The following FGFBP3 variants were observed in gnomAD, a reference collection of about 807,000 sequenced individuals.
The protein encoded by FGFBP3 is fibroblast growth factor-binding protein 3.
A neutral mutation model predicts 4.8 loss-of-function variants in FGFBP3; 4 were observed. That is an observed-to-expected ratio of 0.83 (90% CI 0.41 to 1.90). FGFBP3 has a LOEUF of 1.90. FGFBP3 is among the 40% of genes most tolerant of loss of function. The probability of loss-of-function intolerance (pLI) is 0.03; values close to 1 mark genes in which losing one functional copy is unlikely to be tolerated. For missense variants in FGFBP3, 429 were observed against 397.4 expected, an observed-to-expected ratio of 1.08 and a Z score of -0.68; for synonymous variants, 215 against 190.0, an observed-to-expected ratio of 1.13 and a Z score of -1.08.
At position 91,908,798 on chromosome 10, in the gene FGFBP3, C is replaced by T. The variant is rs982453277; in HGVS notation, c.172G>A (p.Ala58Thr). ...SGRFLSPEQH[A>T]CSWQLLLPAP... Reference sequence around the variant, plus strand: ...GGCAGCAGGAGCTGCCAGCTGCACGCGTGCTGCTCGGGGCTGAGGAAGCGA... The same window carrying T: ...GGCAGCAGGAGCTGCCAGCTGCACGTGTGCTGCTCGGGGCTGAGGAAGCGA... Residue 58 changes from alanine (A) to threonine (T), a missense_variant, in exon 2 of 2, where the codon GCG becomes ACG. Physicochemically the swap from Ala to Thr is moderately conservative, Grantham distance 58. Coordinates refer to ENST00000311575, the MANE Select transcript of FGFBP3 (RefSeq NM_152429.5). 2.1e-6 allele frequency: 3 copies of T among 1,446,892 alleles called. No individual in the cohort carries two copies. The highest frequency in any genetic ancestry group is 2.7e-6 in the Non-Finnish European group (3 of 1,110,084). 89.6% of individuals were successfully genotyped at this position (1,446,892 alleles called of 1,614,324 possible).
chr10:91,908,971 C>A lies in FGFBP3; in HGVS notation c.-2G>T. ...CGCTCGCAGCTTCGGAGGAGTCATG[C>A]TCCGCGGTTTCCGCGCTCCGCTGTT... On this transcript the variant is annotated 5_prime_UTR_variant, in exon 2 of 2. Coordinates refer to ENST00000311575, the MANE Select transcript of FGFBP3 (RefSeq NM_152429.5). 2 of 1,574,138 alleles carry A rather than the reference C, an allele frequency of 1.3e-6. No individual in the cohort carries two copies. The highest frequency in any genetic ancestry group is 1.7e-6 in the Non-Finnish European group (2 of 1,162,716).
Position 91,907,994 on chromosome 10 carries a change from A to C in FGFBP3, c.*199T>G. ...GGACTGAGACTTTTCAAAATTTTTA[A>C]CTTCTCTGCTATCCCAGAGATTCTC... On this transcript the variant is annotated 3_prime_UTR_variant, in exon 2 of 2. Transcript: ENST00000311575. 1.7e-6 allele frequency: 1 copy of C among 581,250 alleles called. No individual in the cohort carries two copies. The highest frequency in any genetic ancestry group is 2.7e-5 in the South Asian group (1 of 37,200). The allele number at this position is 581,250 out of a possible 1,614,324, so 36.0% of individuals were successfully genotyped here.
Position 91,908,815 on chromosome 10 carries a change from A to T in FGFBP3, c.155T>A (p.Leu52His), listed in dbSNP as rs1843324200. The change falls in exon 2 of 2, where the codon CTC becomes CAC. Residue 52 changes from leucine (L) to histidine (H), a missense_variant. By Grantham distance (99) the Leu-to-His change is moderately conservative (BLOSUM62 -3). Coordinates refer to ENST00000311575, the MANE Select transcript of FGFBP3 (RefSeq NM_152429.5). ...GCTGCACGCGTGCTGCTCGGGGCTGAGGAAGCGACCCGAGGAGCCGCCAGT... is the reference window on the plus strand; with the variant it reads ...GCTGCACGCGTGCTGCTCGGGGCTGTGGAAGCGACCCGAGGAGCCGCCAGT... ...GPTGGSSGRF[L>H]SPEQHACSWQ... The T allele has an allele frequency of 6.6e-7, 1 of 1,523,724 alleles. No homozygotes were observed. Among genetic ancestry groups the T allele is most frequent in the Non-Finnish European group, 8.8e-7 (1 of 1,142,326 alleles). 94.4% of individuals were successfully genotyped at this position (1,523,724 alleles called of 1,614,324 possible). A position where few individuals can be genotyped will look rare whatever the true frequency, so the allele number is the denominator to read the frequency against.
In FGFBP3 at chr10:91,908,042, C is replaced by T; in HGVS notation, c.*151G>A. 1.2e-6 allele frequency: 1 copy of T among 848,906 alleles called. No individual in the cohort carries two copies. The highest frequency in any genetic ancestry group is 1.7e-6 in the Non-Finnish European group (1 of 582,588). 52.6% of individuals were successfully genotyped at this position (848,906 alleles called of 1,614,324 possible). A position where few individuals can be genotyped will look rare whatever the true frequency, so the allele number is the denominator to read the frequency against. On this transcript the variant is annotated 3_prime_UTR_variant, in exon 2 of 2. Coordinates refer to ENST00000311575, the MANE Select transcript of FGFBP3 (RefSeq NM_152429.5). ...CTCCATACCCCTTACACTCTCATCC[C>T]AAGCATCTCACCCTTACCCTTGCCC...
In FGFBP3 at chr10:91,908,889, C is replaced by T. The variant is rs200450389; in HGVS notation, c.81G>A (p.Arg27=). ...LLSGCLLAAA[R]REKGAASNVA... ...CGTTGCTAGCCGCCCCTTTCTCCCT[C>T]CGAGCAGCCGCGAGGAGGCAACCAC... is the stretch of plus-strand genomic sequence containing the variant. The change falls in exon 2 of 2, where the codon CGG becomes CGA. Residue 27 remains arginine, a synonymous_variant. Coordinates refer to ENST00000311575, the MANE Select transcript of FGFBP3 (RefSeq NM_152429.5). 1 of 1,593,730 alleles carries T rather than the reference C, an allele frequency of 6.3e-7. No homozygotes were observed. The highest frequency in any genetic ancestry group is 1.3e-5 in the African/African-American group (1 of 74,396).
chr10:91,908,821 C>A lies in FGFBP3; in HGVS notation c.149G>T (p.Arg50Leu). Residue 50 changes from arginine to leucine, a missense_variant, in exon 2 of 2, where the codon CGC becomes CTC. By Grantham distance (102) the Arg-to-Leu change is moderately radical. Coordinates refer to ENST00000311575, the MANE Select transcript of FGFBP3 (RefSeq NM_152429.5). ...CGCGTGCTGCTCGGGGCTGAGGAAG[C>A]GACCCGAGGAGCCGCCAGTGGGCCC... is the stretch of plus-strand genomic sequence containing the variant. ...VPGPTGGSSG[R>L]FLSPEQHACS... The A allele has an allele frequency of 1.3e-6, 2 of 1,525,930 alleles. No homozygotes were observed. The highest frequency in any genetic ancestry group is 1.7e-6 in the Non-Finnish European group (2 of 1,143,358). The allele number at this position is 1,525,930 out of a possible 1,614,324, so 94.5% of individuals were successfully genotyped here.
chr10:91,908,106 T>A lies in FGFBP3; in HGVS notation c.*87A>T. The A allele has an allele frequency of 2.1e-6, 3 of 1,421,510 alleles. No homozygotes were observed. Among genetic ancestry groups the A allele is most frequent in the South Asian group, 1.3e-5 (1 of 75,132 alleles). The allele number at this position is 1,421,510 out of a possible 1,614,324, so 88.1% of individuals were successfully genotyped here. A position where few individuals can be genotyped will look rare whatever the true frequency, so the allele number is the denominator to read the frequency against. ...AGAACCTGGACTTCTCCCCAATCTC[T>A]ATCACAGTACCCCCCGGTCTAAGAC... On this transcript the variant is annotated 3_prime_UTR_variant, in exon 2 of 2. Transcript: ENST00000311575.
At position 91,908,641 on chromosome 10, in the gene FGFBP3, C is replaced by CGAA. The variant is rs1843321031; in HGVS notation, c.328_329insTTC (p.Trp110delinsPheArg). On this transcript the variant is annotated protein_altering_variant, in exon 2 of 2. Transcript: ENST00000311575. Reference sequence around the variant, plus strand: ...GCGCAGCCCTCCCAGCACCTGCTTCCAGAAGTGCGCGCGGCGAGCGGCGTA... The same window carrying CGAA: ...GCGCAGCCCTCCCAGCACCTGCTTCCGAAAGAAGTGCGCGCGGCGAGCGGCGTA... 3 of 1,436,746 alleles carry CGAA rather than the reference C, an allele frequency of 2.1e-6. No homozygotes were observed. The highest frequency in any genetic ancestry group is 1.5e-5 in the African/African-American group (1 of 67,370). 89.0% of individuals were successfully genotyped at this position (1,436,746 alleles called of 1,614,324 possible). A position where few individuals can be genotyped will look rare whatever the true frequency, so the allele number is the denominator to read the frequency against.
Position 91,908,660 on chromosome 10 carries a change from C to T in FGFBP3, c.310G>A (p.Ala104Thr), listed in dbSNP as rs981005188. 3 of 1,430,684 alleles carry T rather than the reference C, an allele frequency of 2.1e-6. No homozygotes were observed. The highest frequency in any genetic ancestry group is 2.7e-6 in the Non-Finnish European group (3 of 1,095,156). 88.6% of individuals were successfully genotyped at this position (1,430,684 alleles called of 1,614,324 possible). A position where few individuals can be genotyped will look rare whatever the true frequency, so the allele number is the denominator to read the frequency against. The change falls in exon 2 of 2, where the codon GCT (alanine) becomes ACT (threonine). Residue 104 changes from alanine to threonine, a missense_variant. Coordinates refer to ENST00000311575, the MANE Select transcript of FGFBP3 (RefSeq NM_152429.5). The part of the protein sequence containing the change: ...GHPERCAAYA[A>T]RRAHFWKQVL... The stretch of plus-strand genomic sequence containing the variant: ...TGCTTCCAGAAGTGCGCGCGGCGAG[C>T]GGCGTAGGCTGCGCAGCGCTCCGGA...
chr10:91,907,905 T>A lies in FGFBP3; in HGVS notation c.*288A>T. 2.7e-6 allele frequency: 1 copy of A among 368,858 alleles called. No homozygotes were observed. Among genetic ancestry groups the A allele is most frequent in the East Asian group, 5.5e-5 (1 of 18,086 alleles). The allele number at this position is 368,858 out of a possible 1,614,324, so 22.8% of individuals were successfully genotyped here. The stretch of plus-strand genomic sequence containing the variant: ...TCTGCATCGATTTCTCTCCCCAGTC[T>A]CCAGTTTTTGCACATTTAAAGTACG... On this transcript the variant is annotated 3_prime_UTR_variant, in exon 2 of 2. Coordinates refer to ENST00000311575, the MANE Select transcript of FGFBP3 (RefSeq NM_152429.5).
chr10:91,909,116 G>A (rs1843327626), intron 1 of FGFBP3, 69 bp from the exon 2 acceptor site: 3 of 839,938 alleles, frequency 3.6e-6, no homozygotes, highest in South Asian at 3.9e-5. Flanking sequence ...ACATGCACCT[G>A]CGAACTACTC....
At position 91,908,289 on chromosome 10, in the gene FGFBP3, GGGGTCGGGCCCGGTCCCCAT is replaced by G; in HGVS notation, c.661_680del (p.Met221ArgfsTer16). 6.2e-7 allele frequency: 1 copy of G among 1,604,310 alleles called. No homozygotes were observed. Among genetic ancestry groups the G allele is most frequent in the Non-Finnish European group, 8.5e-7 (1 of 1,175,536 alleles). Reference sequence around the variant, plus strand: ...GCTCCGCGTTCCCGTCCAGCCCGTCGGGGTCGGGCCCGGTCCCCATGGGTCGCTCCTCGTTGGGGACCAAG... The same window carrying G: ...GCTCCGCGTTCCCGTCCAGCCCGTCGGGGTCGCTCCTCGTTGGGGACCAAG... On this transcript the variant is annotated frameshift_variant, in exon 2 of 2. Coordinates refer to ENST00000311575, the MANE Select transcript of FGFBP3 (RefSeq NM_152429.5). LOFTEE classifies it high-confidence loss of function.
chr10:91,907,459 T>C lies in FGFBP3; in HGVS notation c.*734A>G, dbSNP rs1419579746. 4 of 151,724 alleles carry C rather than the reference T, an allele frequency of 2.6e-5. No individual in the cohort carries two copies. The highest frequency in any genetic ancestry group is 9.7e-5 in the African/African-American group (4 of 41,246). The allele number at this position is 151,724 out of a possible 1,614,324, so 9.4% of individuals were successfully genotyped here. A position where few individuals can be genotyped will look rare whatever the true frequency, so the allele number is the denominator to read the frequency against. ...TGTGAGGATCCCTTGAGGCCAGGAG[T>C]TGGAGACTGCAGTGCCTATTATTAC... On this transcript the variant is annotated 3_prime_UTR_variant, in exon 2 of 2. Coordinates refer to ENST00000311575, the MANE Select transcript of FGFBP3 (RefSeq NM_152429.5).
rs1843312917 is a variant in FGFBP3 at position 91,908,103 on chromosome 10, C to T, written c.*90G>A. On this transcript the variant is annotated 3_prime_UTR_variant, in exon 2 of 2. Transcript: ENST00000311575. ...TCGAGAACCTGGACTTCTCCCCAAT[C>T]TCTATCACAGTACCCCCCGGTCTAA... The T allele has an allele frequency of 1.4e-6, 2 of 1,444,244 alleles. No individual in the cohort carries two copies. Among genetic ancestry groups the T allele is most frequent in the Non-Finnish European group, 1.8e-6 (2 of 1,088,902 alleles). The allele number at this position is 1,444,244 out of a possible 1,614,324, so 89.5% of individuals were successfully genotyped here.
rs1470613868 is a variant in FGFBP3, at chr10:91,906,974, A to G, written c.*1219T>C. 2 of 152,220 alleles carry G rather than the reference A, an allele frequency of 1.3e-5. No individual in the cohort carries two copies. Among genetic ancestry groups the G allele is most frequent in the African/African-American group, 4.8e-5 (2 of 41,446 alleles). The allele number at this position is 152,220 out of a possible 1,614,324, so 9.4% of individuals were successfully genotyped here. A position where few individuals can be genotyped will look rare whatever the true frequency, so the allele number is the denominator to read the frequency against. Reference sequence around the variant, plus strand: ...CACAGTCTCTCATTACATCACACTAAAAATGAAATATATTAATAATTAGTT... The same window carrying G: ...CACAGTCTCTCATTACATCACACTAGAAATGAAATATATTAATAATTAGTT... On this transcript the variant is annotated 3_prime_UTR_variant, in exon 2 of 2. Transcript: ENST00000311575.
chr10:91,908,706 G>A lies in FGFBP3; in HGVS notation c.264C>T (p.His88=). 1.4e-6 allele frequency: 2 copies of A among 1,394,944 alleles called. No individual in the cohort carries two copies. Among genetic ancestry groups the A allele is most frequent in the South Asian group, 1.6e-5 (1 of 63,438 alleles). The allele number at this position is 1,394,944 out of a possible 1,614,324, so 86.4% of individuals were successfully genotyped here. Residue 88 remains histidine (H), a synonymous_variant, in exon 2 of 2, where the codon CAC becomes CAT. Coordinates refer to ENST00000311575, the MANE Select transcript of FGFBP3 (RefSeq NM_152429.5). ...LRCQSPDGAR[H]QCAYRGHPER... ...CCGGATGCCCGCGGTAGGCGCACTG[G>A]TGGCGCGCCCCGTCCGGGCTCTGGC...
At position 91,908,792 on chromosome 10, in the gene FGFBP3, T is replaced by A. The variant is rs1186868373; in HGVS notation, c.178A>T (p.Ser60Cys). 7.0e-7 allele frequency: 1 copy of A among 1,437,064 alleles called. No individual in the cohort carries two copies. The highest frequency in any genetic ancestry group is 9.0e-7 in the Non-Finnish European group (1 of 1,105,632). The allele number at this position is 1,437,064 out of a possible 1,614,324, so 89.0% of individuals were successfully genotyped here. A position where few individuals can be genotyped will look rare whatever the true frequency, so the allele number is the denominator to read the frequency against. Residue 60 changes from serine (S) to cysteine (C), a missense_variant, in exon 2 of 2, where the codon AGC becomes TGC. Coordinates refer to ENST00000311575, the MANE Select transcript of FGFBP3 (RefSeq NM_152429.5). ...GGGGCGGGCAGCAGGAGCTGCCAGCTGCACGCGTGCTGCTCGGGGCTGAGG... is the reference window on the plus strand; with the variant it reads ...GGGGCGGGCAGCAGGAGCTGCCAGCAGCACGCGTGCTGCTCGGGGCTGAGG... Reference protein sequence around the residue: ...RFLSPEQHACSWQLLLPAPEA... With the variant: ...RFLSPEQHACCWQLLLPAPEA...
chr10:91,908,563 G>A lies in FGFBP3; in HGVS notation c.407C>T (p.Ala136Val). The A allele has an allele frequency of 2.9e-6, 4 of 1,394,382 alleles. No homozygotes were observed. Among genetic ancestry groups the A allele is most frequent in the Non-Finnish European group, 3.7e-6 (4 of 1,081,604 alleles). The allele number at this position is 1,394,382 out of a possible 1,614,324, so 86.4% of individuals were successfully genotyped here. A position where few individuals can be genotyped will look rare whatever the true frequency, so the allele number is the denominator to read the frequency against. ...DPAPLQARLCAGKKGHGAELR... is the reference protein window; with the variant it reads ...DPAPLQARLCVGKKGHGAELR... The stretch of plus-strand genomic sequence containing the variant: ...CTCGGCGCCGTGGCCCTTCTTGCCC[G>A]CGCACAAGCGGGCCTGGAGCGGCGC... The change falls in exon 2 of 2, where the codon GCG (alanine) becomes GTG (valine). Residue 136 changes from alanine (A) to valine (V), a missense_variant. Physicochemically the swap from Ala to Val is moderately conservative, Grantham distance 64. Transcript: ENST00000311575.
chr10:91,909,332 A>C, intron 1 of FGFBP3, 66 bp downstream of exon 1: 1 of 270,704 alleles, frequency 3.7e-6, no homozygotes, highest in Non-Finnish European at 6.9e-6. Context: ...ACCTGCAATA[A>C]ACTATCTACA....
Sources: gnomAD v4.1 joint callset for allele counts on GRCh38, gnomAD v4.1.1 for gene constraint, MANE v1.5 for transcripts, NCBI Gene and HGNC (gene_info 2026-07-23, HGNC 2026-07-21) for gene names.